The following LTK variants were observed in gnomAD, a reference collection of about 807,000 sequenced individuals.
The protein encoded by LTK is leukocyte receptor tyrosine kinase.
In LTK, 117 loss-of-function variants were observed where a neutral mutation model predicts 101.5. That is an observed-to-expected ratio of 1.15 (90% CI 0.99 to 1.34). The LOEUF is 1.34. Ranked by LOEUF, LTK falls within the 40% of genes most tolerant of loss-of-function variation. The probability of loss-of-function intolerance (pLI) is 0.00; values close to 1 mark genes in which losing one functional copy is unlikely to be tolerated. For missense variants in LTK, 1,252 were observed against 1,164.7 expected, an observed-to-expected ratio of 1.07 and a Z score of -1.09; for synonymous variants, 563 against 494.2, an observed-to-expected ratio of 1.14 and a Z score of -1.85.
intron 7 of LTK, among the ~76,000 whole-genome samples, chr15:41,509,633 G>A (rs369462887): frequency 3.3e-5 from 5 of 152,230 alleles, no homozygotes; most frequent in African/African-American, 1.2e-4. Flanking sequence ...GGCCGACATG[G>A]GCGGATTACG....
chr15:41,507,097 G>A lies in LTK; in HGVS notation c.1539C>T (p.Leu513=), dbSNP rs779497472. The A allele has an allele frequency of 6.2e-7, 1 of 1,612,928 alleles. No individual in the cohort carries two copies. Among genetic ancestry groups the A allele is most frequent in the Non-Finnish European group, 8.5e-7 (1 of 1,179,674 alleles). ...TEVSPANVTL[L]RALGHGAFGE... ...TCAGAAGGAGGCAGAAGACTTACCTGAGCAGAGTAACATTGGCTGGGGAAA... is the reference window on the plus strand; with the variant it reads ...TCAGAAGGAGGCAGAAGACTTACCTAAGCAGAGTAACATTGGCTGGGGAAA... Residue 513 remains leucine (L), a splice_region_variant and synonymous_variant, in exon 11 of 20, where the codon CTC becomes CTT. Coordinates refer to ENST00000263800, the MANE Select transcript of LTK (RefSeq NM_002344.6).
chr15:41,512,377 A>G, intron 3 of LTK, 112 bp from the exon 4 acceptor site: 1 of 850,912 alleles, frequency 1.2e-6, no homozygotes, highest in Non-Finnish European at 1.8e-6. Context: ...AGGGACTTGG[A>G]GGCTGCAATC....
rs146757784 is a variant in LTK, at chr15:41,504,856, C to T, written c.2037G>A (p.Arg679=). The change falls in exon 17 of 20, where the codon AGG becomes AGA. Residue 679 remains arginine (R), a synonymous_variant. Transcript: ENST00000263800. ...RDIYRASYYR[R]GDRALLPVKW... ...TGACTGGGAGCAAGGCCCGGTCCCCCCTGCGGTAATAACTGGCCCTACAGG... is the reference window on the plus strand; with the variant it reads ...TGACTGGGAGCAAGGCCCGGTCCCCTCTGCGGTAATAACTGGCCCTACAGG... The T allele has an allele frequency of 1.4e-5, 22 of 1,613,008 alleles. No individual in the cohort carries two copies. Among genetic ancestry groups the T allele is most frequent in the African/African-American group, 8.0e-5 (6 of 74,894 alleles).
rs749488867 is a variant in LTK at position 41,512,223 on chromosome 15, G to A, written c.402C>T (p.Asn134=). ...YGAAGGKGAK[N]HLSRAHGVFV... The stretch of plus-strand genomic sequence containing the variant: ...AGACGCCATGCGCCCGCGACAGGTG[G>A]TTCTTGGCGCCTTTGCCGCCCGCGG... Residue 134 remains asparagine, a synonymous_variant, in exon 4 of 20, where the codon AAC becomes AAT. Transcript: ENST00000263800. 1.2e-6 allele frequency: 2 copies of A among 1,613,112 alleles called. No individual in the cohort carries two copies. Among genetic ancestry groups the A allele is most frequent in the South Asian group, 2.2e-5 (2 of 91,068 alleles).
intron 7 of LTK, among the ~76,000 whole-genome samples, chr15:41,510,291 C>A (rs2051412884): frequency 6.6e-6 from 1 of 152,128 alleles, no homozygotes; most frequent in Non-Finnish European, 1.5e-5. Flanking sequence ...CAGGCGTGAG[C>A]CACCGCGCCC....
rs2051191056 is a variant in LTK, at chr15:41,504,609, A to G, written c.2152T>C (p.Ser718Pro). The G allele has an allele frequency of 6.2e-7, 1 of 1,613,480 alleles. No individual in the cohort carries two copies. Among genetic ancestry groups the G allele is most frequent in the Admixed American group, 1.7e-5 (1 of 59,994 alleles). Residue 718 changes from serine to proline, a missense_variant, in exon 18 of 20, where the codon TCA becomes CCA. Ser to Pro is a moderately conservative substitution (Grantham distance 74, BLOSUM62 -1). Transcript: ENST00000263800. ...SFGVLLWEIF[S>P]LGYMPYPGRT... ...CCAGGATAGGGCATGTAGCCCAGTG[A>G]GAAGATCTCCCAGAGCAGCACCCCA... is the stretch of plus-strand genomic sequence containing the variant.
intron 10 of LTK, 132 bp downstream of exon 10, chr15:41,507,430 C>T (rs1017362074): frequency 5.2e-6 from 8 of 1,536,768 alleles, no homozygotes; most frequent in Non-Finnish European, 7.0e-6. Context: ...ATCTTAGAAT[C>T]CCAGAGGAGT....
chr15:41,504,921 C>T (rs373383923), intron 16 of LTK, 47 bp from the exon 17 acceptor site: 107 of 1,595,124 alleles, frequency 6.7e-5, no homozygotes, highest in African/African-American at 1.7e-4. Context: ...CACCAAGGTG[C>T]GGGGAAAACC....
chr15:41,507,065 T>C (rs375085850), intron 11 of LTK, 30 bp downstream of exon 11: 3 of 1,592,002 alleles, frequency 1.9e-6, no homozygotes, highest in African/African-American at 1.4e-5. Context: ...TCAGAGTGCA[T>C]AGGTTCTCAG....
intron 19 of LTK, 23 bp downstream of exon 19, chr15:41,504,319 G>GTTAGA: frequency 6.2e-7 from 1 of 1,613,762 alleles, no homozygotes; most frequent in South Asian, 1.1e-5. Context: ...AGACCAGGAT[G>GTTAGA]TTAGATTAGG....
chr15:41,511,381 CG>C lies in LTK; in HGVS notation c.815-36del. On this transcript the variant is annotated intron_variant, in intron 6 of 19. Coordinates refer to ENST00000263800, the MANE Select transcript of LTK (RefSeq NM_002344.6). This position sits in a 1 kb window ranked among gnomAD's most constrained non-coding sequence, Gnocchi z 5.9. The stretch of plus-strand genomic sequence containing the variant: ...GACAGCAGGAAGGTTGGCAGCCACA[CG>C]GGGAGCACGCCCGCCTCTCCCCGCG... 1 of 1,365,458 alleles carries C rather than the reference CG, an allele frequency of 7.3e-7. No homozygotes were observed. The highest frequency in any genetic ancestry group is 9.4e-7 in the Non-Finnish European group (1 of 1,067,958). The allele number at this position is 1,365,458 out of a possible 1,614,324, so 84.6% of individuals were successfully genotyped here. A position where few individuals can be genotyped will look rare whatever the true frequency, so the allele number is the denominator to read the frequency against.
chr15:41,512,823 G>A lies in LTK; in HGVS notation c.243C>T (p.Pro81=). The A allele has an allele frequency of 1.9e-6, 3 of 1,612,600 alleles. No individual in the cohort carries two copies. The highest frequency in any genetic ancestry group is 2.5e-6 in the Non-Finnish European group (3 of 1,179,730). ...STCGASGRHG[P]TQTQCDGAYA... The stretch of plus-strand genomic sequence containing the variant: ...ACGCCCCGTCACATTGTGTCTGTGT[G>A]GGCCCATGCCGGCCGCTGGCCCCGC... The change falls in exon 3 of 20, where the codon CCC becomes CCT. Residue 81 remains proline (P), a synonymous_variant. Coordinates refer to ENST00000263800, the MANE Select transcript of LTK (RefSeq NM_002344.6).
rs1391837531 is a variant in LTK, at chr15:41,505,915, C to T, written c.1632G>A (p.Lys544=). The T allele has an allele frequency of 1.9e-6, 3 of 1,613,318 alleles. No homozygotes were observed. The highest frequency in any genetic ancestry group is 1.7e-6 in the Non-Finnish European group (2 of 1,179,392). Reference sequence around the variant, plus strand: ...CAGCCAGAAGTCCCACTCCTCTCACCTTGATAGCTACCTGCAGGGGACTGG... The same window carrying T: ...CAGCCAGAAGTCCCACTCCTCTCACTTTGATAGCTACCTGCAGGGGACTGG... ...GDSSPLQVAI[K]TLPELCSPQD... The change falls in exon 12 of 20, where the codon AAG becomes AAA. Residue 544 remains lysine, a splice_region_variant and synonymous_variant. Transcript: ENST00000263800.
rs763979184 is a variant in LTK at position 41,504,650 on chromosome 15, A to C, written c.2121-10T>G. The C allele has an allele frequency of 6.2e-7, 1 of 1,611,856 alleles. No homozygotes were observed. Reference sequence around the variant, plus strand: ...CAGCACCCCAAAAGACCTGCATCACAAGTGGGGGAACCAAGTGAGGCCCGT... The same window carrying C: ...CAGCACCCCAAAAGACCTGCATCACCAGTGGGGGAACCAAGTGAGGCCCGT... On this transcript the variant is annotated splice_polypyrimidine_tract_variant and intron_variant, in intron 17 of 19. Transcript: ENST00000263800.
In LTK at chr15:41,512,824, G is replaced by A; in HGVS notation, c.242C>T (p.Pro81Leu). 6.2e-7 allele frequency: 1 copy of A among 1,612,410 alleles called. No individual in the cohort carries two copies. Among genetic ancestry groups the A allele is most frequent in the Non-Finnish European group, 8.5e-7 (1 of 1,179,640 alleles). The change falls in exon 3 of 20, where the codon CCC becomes CTC. Residue 81 changes from proline (P) to leucine (L), a missense_variant. Physicochemically the swap from Pro to Leu is moderately conservative, Grantham distance 98. Transcript: ENST00000263800. The part of the protein sequence containing the change: ...STCGASGRHG[P>L]TQTQCDGAYA... ...CGCCCCGTCACATTGTGTCTGTGTG[G>A]GCCCATGCCGGCCGCTGGCCCCGCA...
At position 41,505,471 on chromosome 15, in the gene LTK, CGAG is replaced by C; in HGVS notation, c.1754_1756del (p.Pro585del). ...AGACATCAGTTCCAGCAGAATGAGG[CGAG>C]GGGTGGCCCTGAGGCTGAGCCCCAC... is the stretch of plus-strand genomic sequence containing the variant. On this transcript the variant is annotated inframe_deletion, in exon 14 of 20. Transcript: ENST00000263800. The C allele has an allele frequency of 2.5e-6, 4 of 1,614,028 alleles. No individual in the cohort carries two copies. Among genetic ancestry groups the C allele is most frequent in the Non-Finnish European group, 3.4e-6 (4 of 1,179,982 alleles).
Position 41,504,865 on chromosome 15 carries a change from A to G in LTK, c.2028T>C (p.Tyr676=). ...GCAAGGCCCGGTCCCCCCTGCGGTA[A>G]TAACTGGCCCTACAGGAGGGAGGAG... ...GMARDIYRAS[Y]YRRGDRALLP... is the part of the protein sequence containing the mutation. The change falls in exon 17 of 20, where the codon TAT becomes TAC. Residue 676 remains tyrosine, a synonymous_variant. Coordinates refer to ENST00000263800, the MANE Select transcript of LTK (RefSeq NM_002344.6). 5.6e-6 allele frequency: 9 copies of G among 1,612,742 alleles called. No homozygotes were observed. The highest frequency in any genetic ancestry group is 7.6e-6 in the Non-Finnish European group (9 of 1,179,590).
In LTK at chr15:41,511,901, C is replaced by T; in HGVS notation, c.573G>A (p.Ala191=). 7.0e-7 allele frequency: 1 copy of T among 1,437,656 alleles called. No individual in the cohort carries two copies. The highest frequency in any genetic ancestry group is 1.3e-5 in the South Asian group (1 of 75,530). 89.1% of individuals were successfully genotyped at this position (1,437,656 alleles called of 1,614,324 possible). A position where few individuals can be genotyped will look rare whatever the true frequency, so the allele number is the denominator to read the frequency against. The change falls in exon 5 of 20, where the codon GCG becomes GCA. Residue 191 remains alanine (A), a synonymous_variant. Coordinates refer to ENST00000263800, the MANE Select transcript of LTK (RefSeq NM_002344.6). The surrounding 1 kb of genome is among the most constrained non-coding windows in gnomAD (Gnocchi z 5.9). The part of the protein sequence containing the change: ...GESRAVEEHA[A]MDGSEGVPGS... Reference sequence around the variant, plus strand: ...CCGGGACCCCTTCGCTCCCATCCATCGCCGCGTGCTCTTCAACGGCTCGAG... The same window carrying T: ...CCGGGACCCCTTCGCTCCCATCCATTGCCGCGTGCTCTTCAACGGCTCGAG...
At position 41,511,817 on chromosome 15, in the gene LTK, C is replaced by A; in HGVS notation, c.657G>T (p.Arg219=). The change falls in exon 5 of 20, where the codon CGG becomes CGT. Residue 219 remains arginine (R), a splice_region_variant and synonymous_variant. Coordinates refer to ENST00000263800, the MANE Select transcript of LTK (RefSeq NM_002344.6). The surrounding 1 kb of genome is among the most constrained non-coding windows in gnomAD (Gnocchi z 5.9). ...GCTGAGCGCCGAAGGGAGCACGTAC[C>A]CGGAAAACGTAGGTGGCGCCCCCGC... ...GGGGGATYVF[R]VRAGELEPLL... 1.3e-6 allele frequency: 2 copies of A among 1,492,112 alleles called. No individual in the cohort carries two copies. The highest frequency in any genetic ancestry group is 3.0e-5 in the African/African-American group (2 of 67,606). 92.4% of individuals were successfully genotyped at this position (1,492,112 alleles called of 1,614,324 possible).
Sources: allele counts gnomAD v4.1 joint callset (sites outside exome capture counted in the v4.1 genomes callset), GRCh38; gene constraint gnomAD v4.1.1; non-coding constraint Gnocchi (gnomAD v3.1); transcripts MANE v1.5; gene names NCBI Gene and HGNC (gene_info 2026-07-23, HGNC 2026-07-21).